The following BTBD9 variants were observed in gnomAD, a reference collection of about 807,000 sequenced individuals.
BTBD9 encodes the protein BTB/POZ domain-containing protein 9.
Under a neutral mutation model 64.3 loss-of-function variants are expected in BTBD9, and 49 were observed. The observed-to-expected ratio is 0.76, with a 90% CI of 0.61 to 0.97. The LOEUF (loss-of-function observed/expected upper bound fraction) is 0.97, where lower values mean the gene tolerates loss of function less well. Ranked by LOEUF, BTBD9 falls within the 50% of genes least tolerant of loss-of-function variation. BTBD9 has a pLI of 0.00. For missense variants in BTBD9, 598 were observed against 762.1 expected (o/e 0.78, Z 2.53); for synonymous variants, 260 against 274.7 (o/e 0.95, Z 0.53).
At chr6:38,274,386 A>C (rs1303637835) in intron 8 of BTBD9, among the ~76,000 whole-genome samples, 3 of 152,070 alleles carry the variant, frequency 2.0e-5, no homozygotes, top group East Asian at 3.9e-4. Flanking sequence ...TCTCCTGCCT[A>C]ATTGCCCTGG....
At chr6:38,255,353 T>C (rs1209654054) in intron 9 of BTBD9, among the ~76,000 whole-genome samples, 2 of 152,222 alleles carry the variant, frequency 1.3e-5, no homozygotes, top group East Asian at 1.9e-4. Flanking sequence ...GCAGTGATGG[T>C]TGCACAATAC....
At chr6:38,563,522 A>G (rs1455470545) in intron 6 of BTBD9, among the ~76,000 whole-genome samples, 1 of 152,082 alleles carries the variant, frequency 6.6e-6, no homozygotes, top group Admixed American at 6.5e-5. Context: ...CTAAAGTCAG[A>G]TCATGTCACA....
chr6:38,263,907 G>C (rs1404660737), intron 8 of BTBD9, among the ~76,000 whole-genome samples: 1 of 152,204 alleles, frequency 6.6e-6, no homozygotes, highest in Non-Finnish European at 1.5e-5. Flanking sequence ...GCACTGGACA[G>C]AAAAGGTACG....
intron 10 of BTBD9, among the ~76,000 whole-genome samples, chr6:38,181,462 A>G (rs2235710): frequency 0.62 from 94,944 of 152,062 alleles, 31,119 homozygotes; most frequent in Non-Finnish European, 0.74. Flanking sequence ...ACAGTGGCTG[A>G]TGTGGTGGCA....
chr6:38,556,536 TGTGTGTGTGTGTGTGAGAGA>T (rs1338708163), intron 6 of BTBD9, among the ~76,000 whole-genome samples: 8 of 53,128 alleles, frequency 1.5e-4, no homozygotes, highest in African/African-American at 6.3e-4. Flanking sequence ...TGTGTGTGTG[TGTGTGTGTGTGTGTGAGAGA>T]GAGAGAGAGA....
intron 6 of BTBD9, among the ~76,000 whole-genome samples, chr6:38,558,479 C>T (rs1297413954): frequency 6.6e-6 from 1 of 152,088 alleles, no homozygotes; most frequent in Non-Finnish European, 1.5e-5. Flanking sequence ...TTAATGTTTT[C>T]AAGGAGAATG....
chr6:38,501,126 C>T (rs984119305), intron 6 of BTBD9, among the ~76,000 whole-genome samples: 3 of 152,042 alleles, frequency 2.0e-5, no homozygotes, highest in Non-Finnish European at 4.4e-5. Context: ...AGTTAACTTA[C>T]AGTTCTAAAA....
At chr6:38,484,917 A>G (rs769728350) in intron 6 of BTBD9, among the ~76,000 whole-genome samples, 1 of 152,174 alleles carries the variant, frequency 6.6e-6, no homozygotes, top group Non-Finnish European at 1.5e-5. Context: ...AAGTAAGACA[A>G]TGATGAAGTC....
chr6:38,426,714 C>A (rs1191900800), intron 6 of BTBD9, among the ~76,000 whole-genome samples: 1 of 151,942 alleles, frequency 6.6e-6, no homozygotes, highest in African/African-American at 2.4e-5. Flanking sequence ...ACACTAGTCA[C>A]TGGGTTCCAC....
chr6:38,224,780 A>C (rs959231902), intron 9 of BTBD9, among the ~76,000 whole-genome samples: 1 of 152,216 alleles, frequency 6.6e-6, no homozygotes, highest in African/African-American at 2.4e-5. Flanking sequence ...AGCTATCCAA[A>C]TATCACCCAT....
chr6:38,486,944 G>A (rs1447146555), intron 6 of BTBD9, among the ~76,000 whole-genome samples: 1 of 152,208 alleles, frequency 6.6e-6, no homozygotes, highest in Non-Finnish European at 1.5e-5. Context: ...GTTGGTAAAT[G>A]ACCAAGCTGG....
intron 9 of BTBD9, among the ~76,000 whole-genome samples, chr6:38,233,726 C>T (rs1243025345): frequency 6.6e-6 from 1 of 152,194 alleles, no homozygotes; most frequent in East Asian, 1.9e-4. Flanking sequence ...TTAATTTAAA[C>T]ATCTCAACCT....
chr6:38,466,584 G>A (rs567797879), intron 6 of BTBD9, among the ~76,000 whole-genome samples: 10 of 151,816 alleles, frequency 6.6e-5, no homozygotes, highest in Admixed American at 6.6e-5. Flanking sequence ...ATGGGCTACC[G>A]CACCCGGCCC....
At chr6:38,582,265 A>T (rs948959879) in intron 4 of BTBD9, among the ~76,000 whole-genome samples, 2 of 152,240 alleles carry the variant, frequency 1.3e-5, no homozygotes, top group Non-Finnish European at 2.9e-5. Context: ...AAATTCTATT[A>T]GCGTGTGATA....
intron 6 of BTBD9, among the ~76,000 whole-genome samples, chr6:38,357,584 T>C (rs952738230): frequency 1.3e-5 from 2 of 152,212 alleles, no homozygotes; most frequent in Non-Finnish European, 2.9e-5. Flanking sequence ...TCCCCATCCC[T>C]TTGGTTATTC....
chr6:38,313,118 ATTTC>A (rs1762901979), intron 7 of BTBD9, among the ~76,000 whole-genome samples: 1 of 151,984 alleles, frequency 6.6e-6, no homozygotes, highest in Non-Finnish European at 1.5e-5. Flanking sequence ...GAAATCTTTC[ATTTC>A]TTTAATTCCT....
intron 7 of BTBD9, among the ~76,000 whole-genome samples, chr6:38,289,867 G>A (rs940936246): frequency 2.0e-5 from 3 of 152,144 alleles, no homozygotes; most frequent in African/African-American, 7.2e-5. Flanking sequence ...GAGAATAAAA[G>A]GTGAGGGCCT....
intron 6 of BTBD9, among the ~76,000 whole-genome samples, chr6:38,414,573 T>C (rs1767582036): frequency 6.6e-6 from 1 of 152,196 alleles, no homozygotes; most frequent in Non-Finnish European, 1.5e-5. Context: ...CCACTTTCTT[T>C]CTTCCCACTT....
At chr6:38,322,685 T>C (rs1348558757) in intron 7 of BTBD9, among the ~76,000 whole-genome samples, 1 of 152,224 alleles carries the variant, frequency 6.6e-6, no homozygotes, top group Non-Finnish European at 1.5e-5. Context: ...GTTTTATAAC[T>C]CACTTCACAT....
Sources: gnomAD v4.1 joint callset for allele counts (sites outside exome capture counted in the v4.1 genomes callset) on GRCh38, gnomAD v4.1.1 for gene constraint, MANE v1.5 for transcripts, NCBI Gene and HGNC (gene_info 2026-07-23, HGNC 2026-07-21) for gene names.